CKAP5: variants seen among roughly 807,000 people sequenced by gnomAD.
The protein encoded by CKAP5 is cytoskeleton associated protein 5, also known as cytoskeleton-associated protein 5.
CKAP5 carries 27 observed loss-of-function variants against 232.8 expected under a neutral mutation model. The observed-to-expected ratio is 0.12, with a 90% CI of 0.09 to 0.16. CKAP5 has a LOEUF of 0.16. CKAP5 is among the 10% of genes least tolerant of loss of function. The pLI is 1.00. For missense variants in CKAP5, 1,838 were observed against 2,424.7 expected (o/e 0.76, Z 5.08); for synonymous variants, 785 against 841.1 (o/e 0.93, Z 1.16).
rs2134687106 is a variant in CKAP5, at chr11:46,818,459, G to A, written c.102C>T (p.Ile34=). The part of the protein sequence containing the change: ...RLSGYEEALK[I]FQKIKDEKSP... ...TCTTTTCATCCTTTATTTTCTGGAA[G>A]ATCTTCAGGGCCTCTTCATACCCAC... is the stretch of plus-strand genomic sequence containing the variant. The change falls in exon 3 of 44, where the codon ATC becomes ATT. Residue 34 remains isoleucine (I), a synonymous_variant. Transcript: ENST00000529230. 1.2e-6 allele frequency: 2 copies of A among 1,607,216 alleles called. No individual in the cohort carries two copies. Among genetic ancestry groups the A allele is most frequent in the East Asian group, 4.5e-5 (2 of 44,368 alleles).
chr11:46,811,126 T>C lies in CKAP5; in HGVS notation c.511A>G (p.Lys171Glu). Residue 171 changes from lysine to glutamate, a missense_variant, in exon 5 of 44, where the codon AAA (lysine) becomes GAA (glutamate). Physicochemically the swap from Lys to Glu is moderately conservative, Grantham distance 56 (BLOSUM62 1). Transcript: ENST00000529230. Reference sequence around the variant, plus strand: ...GCCTTCTCTCGAGACTCAAAGAGTTTTGGCAACACTTTGATAATTGGCTTA... The same window carrying C: ...GCCTTCTCTCGAGACTCAAAGAGTTCTGGCAACACTTTGATAATTGGCTTA... ...LLKPIIKVLP[K>E]LFESREKAVR... 6.2e-7 allele frequency: 1 copy of C among 1,614,060 alleles called. No homozygotes were observed. The highest frequency in any genetic ancestry group is 8.5e-7 in the Non-Finnish European group (1 of 1,179,988).
chr11:46,780,820 C>T (rs1018628083), intron 18 of CKAP5, among the ~76,000 whole-genome samples: 1 of 152,130 alleles, frequency 6.6e-6, no homozygotes, highest in Admixed American at 6.5e-5. Context: ...GACAGGGTTT[C>T]ACCATGTTGG....
chr11:46,752,990 T>C, intron 37 of CKAP5: 1 of 427,490 alleles, frequency 2.3e-6, no homozygotes. Context: ...AAGAAAAATG[T>C]AACTGACAAA....
intron 24 of CKAP5, among the ~76,000 whole-genome samples, chr11:46,771,767 A>C (rs1670690358): frequency 6.6e-6 from 1 of 152,184 alleles, no homozygotes; most frequent in Non-Finnish European, 1.5e-5. Flanking sequence ...TATGGATATA[A>C]ATTTTCATTT....
At chr11:46,837,061 A>G (rs1363567081) in intron 1 of CKAP5, among the ~76,000 whole-genome samples, 1 of 152,230 alleles carries the variant, frequency 6.6e-6, no homozygotes, top group Non-Finnish European at 1.5e-5. Flanking sequence ...GGAGTCTGAA[A>G]GATTAAGGGC....
At chr11:46,802,815 T>C (rs79067000) in intron 8 of CKAP5, among the ~76,000 whole-genome samples, 2,556 of 152,266 alleles carry the variant, frequency 0.017, 68 homozygotes, top group African/African-American at 0.058. Flanking sequence ...TTGGCACTTA[T>C]ATGCACTCCT....
chr11:46,767,420 T>G (rs1459388052), intron 27 of CKAP5, among the ~76,000 whole-genome samples, 155 bp downstream of exon 27: 1 of 152,196 alleles, frequency 6.6e-6, no homozygotes, highest in Non-Finnish European at 1.5e-5. Context: ...AGGACCTTAT[T>G]AAAAATGAAC....
intron 42 of CKAP5, among the ~76,000 whole-genome samples, chr11:46,744,827 A>G (rs956368278): frequency 6.6e-6 from 1 of 152,230 alleles, no homozygotes; most frequent in Non-Finnish European, 1.5e-5. Flanking sequence ...ATCCTGGGTT[A>G]TGCAGGGGAT....
At position 46,763,018 on chromosome 11, in the gene CKAP5, A is replaced by C; in HGVS notation, c.3849T>G (p.Thr1283=). 1 of 1,613,918 alleles carries C rather than the reference A, an allele frequency of 6.2e-7. No individual in the cohort carries two copies. Among genetic ancestry groups the C allele is most frequent in the African/African-American group, 1.3e-5 (1 of 75,032 alleles). Residue 1283 remains threonine, a synonymous_variant, in exon 30 of 44, where the codon ACT becomes ACG. Coordinates refer to ENST00000529230, the MANE Select transcript of CKAP5 (RefSeq NM_001008938.4). ...TLLSEEEYHL[T]ENEASSFIPY... ...GGATGAAGGAAGATGCTTCATTCTC[A>C]GTAAGATGATATTCTTCTTCACTTA...
chr11:46,811,251 C>T, intron 4 of CKAP5, 73 bp from the exon 5 acceptor site: 1 of 1,223,802 alleles, frequency 8.2e-7, no homozygotes, highest in East Asian at 2.5e-5. Flanking sequence ...TTTCTTCATT[C>T]AAACATAGTT....
chr11:46,829,015 CTAT>C (rs1939716463), intron 1 of CKAP5, among the ~76,000 whole-genome samples: 1 of 152,128 alleles, frequency 6.6e-6, no homozygotes, highest in African/African-American at 2.4e-5. Context: ...AAATTTTATA[CTAT>C]TGTTTTTTAC....
intron 4 of CKAP5, among the ~76,000 whole-genome samples, chr11:46,813,443 T>C (rs1939320955): frequency 2.0e-5 from 3 of 152,174 alleles, no homozygotes; most frequent in Non-Finnish European, 2.9e-5. Context: ...ACATGGAAAA[T>C]AGACACCTTA....
intron 1 of CKAP5, among the ~76,000 whole-genome samples, chr11:46,842,686 G>A (rs536477568): frequency 6.6e-6 from 1 of 152,308 alleles, no homozygotes; most frequent in South Asian, 2.1e-4. Flanking sequence ...AAGTAAGGTA[G>A]GCCGGGCGCG....
Position 46,759,440 on chromosome 11 carries a change from T to A in CKAP5, c.4397A>T (p.Gln1466Leu). The A allele has an allele frequency of 6.2e-7, 1 of 1,611,004 alleles. No individual in the cohort carries two copies. The highest frequency in any genetic ancestry group is 1.1e-5 in the South Asian group (1 of 90,584). Reference sequence around the variant, plus strand: ...AGGATGCCCACTCATGCTTCGGGCTTGGCTAAGGGAAGCAAAAGGAGGCTC... The same window carrying A: ...AGGATGCCCACTCATGCTTCGGGCTAGGCTAAGGGAAGCAAAAGGAGGCTC... ...PAEDMSSKLN[Q>L]ARSMSGHPEA... The change falls in exon 34 of 44, where the codon CAA becomes CTA. Residue 1466 changes from glutamine to leucine, a missense_variant and splice_region_variant. Coordinates refer to ENST00000529230, the MANE Select transcript of CKAP5 (RefSeq NM_001008938.4).
At chr11:46,844,386 G>C (rs1203329361) in intron 1 of CKAP5, among the ~76,000 whole-genome samples, 1 of 151,992 alleles carries the variant, frequency 6.6e-6, no homozygotes, top group Admixed American at 6.6e-5. Context: ...ATGCTTTGTA[G>C]CATCCTTTAC....
At chr11:46,805,765 G>A (rs549964699) in intron 8 of CKAP5, among the ~76,000 whole-genome samples, 59 of 152,170 alleles carry the variant, frequency 3.9e-4, no homozygotes, top group Middle Eastern at 3.4e-3. Context: ...GTGAAACCCC[G>A]TCTCTACTAA....
chr11:46,783,070 G>C, intron 18 of CKAP5: 1 of 344,872 alleles, frequency 2.9e-6, no homozygotes, highest in Non-Finnish European at 5.2e-6. Flanking sequence ...AAATAACGTA[G>C]AGAACTCTTT....
chr11:46,783,942 G>A (rs1364097636), intron 17 of CKAP5, among the ~76,000 whole-genome samples: 3 of 151,998 alleles, frequency 2.0e-5, no homozygotes, highest in Non-Finnish European at 4.4e-5. Context: ...CTGGCCTCAA[G>A]TCATCCTCCT....
chr11:46,790,432 G>A, intron 14 of CKAP5, 38 bp downstream of exon 14: 1 of 1,412,616 alleles, frequency 7.1e-7, no homozygotes, highest in South Asian at 1.2e-5. Flanking sequence ...TCACTTTGCA[G>A]GGTTCATGAT....
Sources: allele counts gnomAD v4.1 joint callset (sites outside exome capture counted in the v4.1 genomes callset), GRCh38; gene constraint gnomAD v4.1.1; transcripts MANE v1.5; gene names NCBI Gene and HGNC (gene_info 2026-07-23, HGNC 2026-07-21).